The following TFCP2 variants were observed in gnomAD, a reference collection of about 807,000 sequenced individuals.
TFCP2 encodes the protein alpha-globin transcription factor CP2.
TFCP2 carries 33 observed loss-of-function variants against 73.4 expected under a neutral mutation model. The ratio of observed to expected loss-of-function variants is 0.45; its 90% CI spans 0.34 to 0.60. TFCP2 has a LOEUF of 0.60. Ranked by LOEUF, TFCP2 falls within the 20% of genes least tolerant of loss-of-function variation. TFCP2 has a pLI of 0.01. For synonymous variants in TFCP2, 193 were observed against 211.6 expected (o/e 0.91, Z 0.76); for missense variants, 352 against 604.0 (o/e 0.58, Z 4.37).
intron 1 of TFCP2, among the ~76,000 whole-genome samples, chr12:51,143,277 T>C (rs1331668566): frequency 1.3e-5 from 2 of 151,466 alleles, no homozygotes; most frequent in South Asian, 2.1e-4. Context: ...CCAAGTCCAA[T>C]ATAAAACTCT....
At chr12:51,149,342 G>A (rs866216970) in intron 1 of TFCP2, among the ~76,000 whole-genome samples, 3 of 151,908 alleles carry the variant, frequency 2.0e-5, no homozygotes, top group Non-Finnish European at 4.4e-5. Context: ...GGTGATAGGT[G>A]CACTACAATC....
intron 8 of TFCP2, 21 bp from the exon 9 acceptor site, chr12:51,104,224 A>G: frequency 6.2e-7 from 1 of 1,610,966 alleles, no homozygotes; most frequent in Non-Finnish European, 8.5e-7. Context: ...ATTTAAAATG[A>G]AAGGATGAGT....
At chr12:51,096,769 G>A (rs930345161) in intron 13 of TFCP2, among the ~76,000 whole-genome samples, 1 of 151,866 alleles carries the variant, frequency 6.6e-6, no homozygotes, top group East Asian at 1.9e-4. Flanking sequence ...TCAATTTATG[G>A]GAATCAAGTC....
At chr12:51,110,827 T>C in intron 5 of TFCP2, 50 bp downstream of exon 5, 4 of 1,247,046 alleles carry the variant, frequency 3.2e-6, no homozygotes, top group Non-Finnish European at 4.7e-6. Flanking sequence ...AATAAACTGA[T>C]AGTAAGAGAG....
chr12:51,111,013 A>G, intron 4 of TFCP2, 30 bp from the exon 5 acceptor site: 1 of 1,476,748 alleles, frequency 6.8e-7, no homozygotes. Flanking sequence ...TCATTGAACA[A>G]TTTTGAGGGC....
chr12:51,095,877 C>T (rs899976611), intron 14 of TFCP2, 112 bp downstream of exon 14: 7 of 491,262 alleles, frequency 1.4e-5, no homozygotes, highest in Admixed American at 1.1e-4. Context: ...TTGTCACTTT[C>T]TTTACCCAAA....
intron 1 of TFCP2, among the ~76,000 whole-genome samples, chr12:51,157,681 C>CTTTTTTTTTTTTTTTTTTTTT (rs770963610): frequency 1.3e-5 from 1 of 77,288 alleles, no homozygotes; most frequent in Admixed American, 1.7e-4. Flanking sequence ...TTTTTCTTTT[C>CTTTTTTTTTTTTTTTTTTTTT]TTTTCTTTTT....
chr12:51,102,536 G>A (rs775599142), intron 10 of TFCP2, among the ~76,000 whole-genome samples: 3 of 152,044 alleles, frequency 2.0e-5, no homozygotes, highest in Non-Finnish European at 2.9e-5. Flanking sequence ...GACCAGCCTG[G>A]CCAACATGGT....
At chr12:51,118,804 CT>C in intron 1 of TFCP2, 32 bp from the exon 2 acceptor site, 1 of 1,610,758 alleles carries the variant, frequency 6.2e-7, no homozygotes, top group Non-Finnish European at 8.5e-7. Flanking sequence ...ACATTAATAC[CT>C]GGCAATGGTG....
chr12:51,167,256 T>C (rs1309823358), intron 1 of TFCP2, among the ~76,000 whole-genome samples: 1 of 152,174 alleles, frequency 6.6e-6, no homozygotes, highest in African/African-American at 2.4e-5. Context: ...AATTAATAGA[T>C]TTGAAGATGA....
intron 10 of TFCP2, among the ~76,000 whole-genome samples, chr12:51,102,428 TA>T (rs146048465): frequency 1.3e-5 from 2 of 149,236 alleles, no homozygotes; most frequent in Non-Finnish European, 1.5e-5. Context: ...CCCCATCTCT[TA>T]AAAAAAAAAT....
At chr12:51,117,436 AG>A (rs1397163066) in intron 3 of TFCP2, among the ~76,000 whole-genome samples, 7 of 152,330 alleles carry the variant, frequency 4.6e-5, no homozygotes, top group Non-Finnish European at 1.0e-4. Flanking sequence ...TACCCTGGAC[AG>A]GGAGTGGTAA....
At chr12:51,159,527 C>T (rs1462502037) in intron 1 of TFCP2, among the ~76,000 whole-genome samples, 4 of 151,590 alleles carry the variant, frequency 2.6e-5, no homozygotes, top group Non-Finnish European at 5.9e-5. Flanking sequence ...TTAGTAGAGA[C>T]GGGGTTTCAC....
intron 2 of TFCP2, among the ~76,000 whole-genome samples, chr12:51,118,088 A>C (rs1389200911): frequency 6.6e-6 from 1 of 152,238 alleles, no homozygotes; most frequent in Non-Finnish European, 1.5e-5. Context: ...GGGAGTGTCT[A>C]GGGAATATGA....
rs1212795863 is a variant in TFCP2 at position 51,134,105 on chromosome 12, T to G, written c.123-15333A>C. 3.3e-5 allele frequency among the ~76,000 whole-genome samples: 5 copies of G among 152,190 alleles called. 1 individual carries two copies. The East Asian group carries it at 9.7e-4, about 29-fold the overall frequency. On this transcript the variant is annotated intron_variant, in intron 1 of 14. Coordinates refer to ENST00000257915, the MANE Select transcript of TFCP2 (RefSeq NM_005653.5). ...CCCATTAAAGGAATGATGGGATGAC[T>G]ATCTTCTTTCCTCCATCTTGTCACA...
intron 1 of TFCP2, among the ~76,000 whole-genome samples, chr12:51,158,073 C>A (rs138799177): frequency 0.022 from 3,355 of 152,166 alleles, 110 homozygotes; most frequent in African/African-American, 0.074. Context: ...ACAATCATAG[C>A]TCACTGCAGC....
At chr12:51,154,690 T>C (rs2137034023) in intron 1 of TFCP2, among the ~76,000 whole-genome samples, 1 of 152,218 alleles carries the variant, frequency 6.6e-6, no homozygotes, top group East Asian at 1.9e-4. Flanking sequence ...TGAGAGTCCA[T>C]CTCTAAATAA....
chr12:51,106,982 C>T, intron 7 of TFCP2: 2 of 561,372 alleles, frequency 3.6e-6, no homozygotes, highest in Non-Finnish European at 6.4e-6. Context: ...AAGCAAAGAA[C>T]ACCACAATAG....
At position 51,116,297 on chromosome 12, in the gene TFCP2, T is replaced by C. The variant is rs75931407; in HGVS notation, c.457+18A>G. 0.013 allele frequency: 19,236 copies of C among 1,474,084 alleles called. 171 individuals carry two copies. Among genetic ancestry groups the C allele is most frequent in the Middle Eastern group, 0.027 (155 of 5,704 alleles). The allele number at this position is 1,474,084 out of a possible 1,614,324, so 91.3% of individuals were successfully genotyped here. On this transcript the variant is annotated intron_variant, in intron 4 of 14. Transcript: ENST00000257915. ...ATAGCTAAAGGCATTTCCTAGGCAA[T>C]AGATTCTCTTAACTCACCTATGTCA... is the stretch of plus-strand genomic sequence containing the variant.
Sources: gnomAD v4.1 joint callset for allele counts (sites outside exome capture counted in the v4.1 genomes callset) on GRCh38, gnomAD v4.1.1 for gene constraint, MANE v1.5 for transcripts, NCBI Gene and HGNC (gene_info 2026-07-23, HGNC 2026-07-21) for gene names.